AK1: variants seen among roughly 807,000 people sequenced by gnomAD.
AK1 encodes adenylate kinase isoenzyme 1.
Under a neutral mutation model 23.9 loss-of-function variants are expected in AK1, and 13 were observed. The observed-to-expected ratio is 0.54, with a 90% CI of 0.35 to 0.86. The LOEUF is 0.86. Ranked by LOEUF, AK1 falls within the 40% of genes least tolerant of loss-of-function variation. The probability of loss-of-function intolerance (pLI) is 0.01; values close to 1 mark genes in which losing one functional copy is unlikely to be tolerated. For synonymous variants in AK1, 97 were observed against 102.8 expected (o/e 0.94, Z 0.34); for missense variants, 214 against 255.1 (o/e 0.84, Z 1.10).
chr9:127,872,183 T>C (rs1304787901), intron 4 of AK1, among the ~76,000 whole-genome samples: 1 of 152,222 alleles, frequency 6.6e-6, no homozygotes, highest in Non-Finnish European at 1.5e-5. Flanking sequence ...GGTGCTGTCC[T>C]GGGTCCCGAG....
At chr9:127,873,381 C>G (rs998875170) in intron 2 of AK1, 2 of 1,576,960 alleles carry the variant, frequency 1.3e-6, no homozygotes, top group Non-Finnish European at 1.7e-6. Context: ...GCCTGGACCC[C>G]GGGGCCGGTC....
chr9:127,876,509 CA>C (rs1254510261), intron 1 of AK1, among the ~76,000 whole-genome samples: 3 of 152,212 alleles, frequency 2.0e-5, no homozygotes, highest in Non-Finnish European at 4.4e-5. Context: ...CCTGCTGCCC[CA>C]GGCAGGAGTG....
Position 127,868,134 on chromosome 9 carries a change from C to T in AK1, c.517-58G>A. ...CCAGGTGGAGTGGGGTGGGCCTCACCATGGCAGGCCCCAGAGACCAGGCCT... is the reference window on the plus strand; with the variant it reads ...CCAGGTGGAGTGGGGTGGGCCTCACTATGGCAGGCCCCAGAGACCAGGCCT... On this transcript the variant is annotated intron_variant, in intron 6 of 6. Transcript: ENST00000644144. This position sits in a 1 kb window ranked among gnomAD's most constrained non-coding sequence, Gnocchi z 4.1. The T allele has an allele frequency of 8.9e-6, 14 of 1,581,058 alleles. No homozygotes were observed. The highest frequency in any genetic ancestry group is 1.1e-5 in the Non-Finnish European group (13 of 1,150,576).
chr9:127,873,477 C>A, intron 2 of AK1: 1 of 1,472,286 alleles, frequency 6.8e-7, no homozygotes, highest in Non-Finnish European at 9.0e-7. Flanking sequence ...CTCCTGTGCA[C>A]CCTGCCCTTC....
At position 127,874,600 on chromosome 9, in the gene AK1, G is replaced by A. The variant is rs537261312; in HGVS notation, c.7+11C>T. ...GCCCAGGCAATGGGCAAAAGGAGAG[G>A]AGGCTCATACCTTCCATCCTGCCGA... On this transcript the variant is annotated intron_variant, in intron 2 of 6. Coordinates refer to ENST00000644144, the MANE Select transcript of AK1 (RefSeq NM_000476.3). The A allele has an allele frequency of 7.4e-6, 12 of 1,613,488 alleles. No homozygotes were observed. The East Asian group carries it at 2.7e-4, about 36-fold the overall frequency.
At chr9:127,869,796 GCTC>G (rs1235731205) in intron 5 of AK1, among the ~76,000 whole-genome samples, 1 of 152,214 alleles carries the variant, frequency 6.6e-6, no homozygotes. Flanking sequence ...CAGCTGCTGA[GCTC>G]CTCCAGGGCA....
chr9:127,874,735 G>T, intron 1 of AK1, 86 bp from the exon 2 acceptor site: 2 of 1,348,984 alleles, frequency 1.5e-6, no homozygotes, highest in Non-Finnish European at 2.1e-6. Context: ...GGCAACTGGT[G>T]TGTGCCAGGC....
At chr9:127,874,562 C>G (rs1221008681) in intron 2 of AK1, 49 bp downstream of exon 2, 1 of 1,612,658 alleles carries the variant, frequency 6.2e-7, no homozygotes, top group Admixed American at 1.7e-5. Flanking sequence ...CCTTAATAGT[C>G]AGGCACACTG....
At position 127,867,931 on chromosome 9, in the gene AK1, T is replaced by C; in HGVS notation, c.*77A>G. 3 of 1,452,646 alleles carry C rather than the reference T, an allele frequency of 2.1e-6. No individual in the cohort carries two copies. The highest frequency in any genetic ancestry group is 2.9e-6 in the Non-Finnish European group (3 of 1,033,704). The allele number at this position is 1,452,646 out of a possible 1,614,324, so 90.0% of individuals were successfully genotyped here. A position where few individuals can be genotyped will look rare whatever the true frequency, so the allele number is the denominator to read the frequency against. On this transcript the variant is annotated 3_prime_UTR_variant, in exon 7 of 7. Coordinates refer to ENST00000644144, the MANE Select transcript of AK1 (RefSeq NM_000476.3). ...GCTCAGCAGGGCAGGGTGGAGGCGC[T>C]GCGCTCAGGCCAGGAGGACCTCGAA...
chr9:127,873,907 C>T (rs1480889767), intron 2 of AK1: 11 of 985,366 alleles, frequency 1.1e-5, no homozygotes, highest in East Asian at 1.1e-4. Flanking sequence ...GTGGGCTGGG[C>T]GGCTCCCAGG....
rs565590294 is a variant in AK1, at chr9:127,872,186, G to A, written c.208-247C>T. Reference sequence around the variant, plus strand: ...TCCTTCCAGCCAGGTGCTGTCCTGGGTCCCGAGGACACGGCCATGGACCAA... The same window carrying A: ...TCCTTCCAGCCAGGTGCTGTCCTGGATCCCGAGGACACGGCCATGGACCAA... On this transcript the variant is annotated intron_variant, in intron 4 of 6. Transcript: ENST00000644144. Among the ~76,000 whole-genome samples the A allele has an allele frequency of 2.6e-5, 4 of 152,272 alleles. No homozygotes were observed. The South Asian group carries it at 6.2e-4, about 24-fold the overall frequency.
At chr9:127,874,148 G>A (rs1283386982) in intron 2 of AK1, 3 of 985,440 alleles carry the variant, frequency 3.0e-6, no homozygotes, top group Non-Finnish European at 3.6e-6. Context: ...AGCTGAGGGC[G>A]GGCCCGTTCT....
chr9:127,874,954 G>A (rs1005164350), intron 1 of AK1: 4 of 393,224 alleles, frequency 1.0e-5, no homozygotes, highest in South Asian at 4.8e-5. Context: ...GGATGGCACC[G>A]AGGGACATAA....
At chr9:127,873,339 G>A in intron 2 of AK1, 2 of 1,546,608 alleles carry the variant, frequency 1.3e-6, no homozygotes, top group Non-Finnish European at 1.7e-6. Flanking sequence ...AGCGGGCTGG[G>A]CCGCCAGCCC....
intron 2 of AK1, chr9:127,873,503 G>A: frequency 7.6e-6 from 11 of 1,450,314 alleles, no homozygotes; most frequent in South Asian, 1.5e-5. Context: ...TCAGGCCCTG[G>A]GCCGGCCCAT....
chr9:127,872,605 G>A, intron 4 of AK1, 85 bp downstream of exon 4: 1 of 1,576,254 alleles, frequency 6.3e-7, no homozygotes, highest in South Asian at 1.1e-5. Flanking sequence ...AGCTTTGCCT[G>A]TGTGCCGTGG....
At position 127,877,326 on chromosome 9, in the gene AK1, G is replaced by A. The variant is rs557921303; in HGVS notation, c.-33+297C>T. Among the ~76,000 whole-genome samples, 4 of 152,176 alleles carry A rather than the reference G, an allele frequency of 2.6e-5. No homozygotes were observed. The highest frequency in any genetic ancestry group is 2.6e-4 in the Admixed American group (4 of 15,280). On this transcript the variant is annotated intron_variant, in intron 1 of 6. Coordinates refer to ENST00000644144, the MANE Select transcript of AK1 (RefSeq NM_000476.3). This position sits in a 1 kb window ranked among gnomAD's most constrained non-coding sequence, Gnocchi z 5.2. The stretch of plus-strand genomic sequence containing the variant: ...GGGACATGCCAAGGGCAGTGACCTG[G>A]AGCCCCGGGAGTGCCAGCCAGAACA...
In AK1 at chr9:127,866,951, C is replaced by A. The variant is rs1829261288; in HGVS notation, c.*1057G>T. On this transcript the variant is annotated 3_prime_UTR_variant, in exon 7 of 7. Transcript: ENST00000644144. The stretch of plus-strand genomic sequence containing the variant: ...AGAGGGTGGGCTGTGTCCAGGGCCA[C>A]ACAGGGGGAGGTCCTTCAGGTCTCA... The A allele has an allele frequency of 6.6e-6, 1 of 150,982 alleles. No individual in the cohort carries two copies. The highest frequency in any genetic ancestry group is 1.5e-5 in the Non-Finnish European group (1 of 67,894). The allele number at this position is 150,982 out of a possible 1,614,324, so 9.4% of individuals were successfully genotyped here.
chr9:127,870,809 G>A (rs979767096), intron 5 of AK1, among the ~76,000 whole-genome samples: 11 of 16,272 alleles, frequency 6.8e-4, no homozygotes, highest in South Asian at 2.8e-3. Context: ...CGGAGACGGG[G>A]CATGGGAATG....
Sources: allele counts gnomAD v4.1 joint callset (sites outside exome capture counted in the v4.1 genomes callset), GRCh38; gene constraint gnomAD v4.1.1; non-coding constraint Gnocchi (gnomAD v3.1); transcripts MANE v1.5; gene names NCBI Gene and HGNC (gene_info 2026-07-23, HGNC 2026-07-21).